Variants in POU2F1 observed in about 807,000 individuals in gnomAD.
The protein encoded by POU2F1 is POU class 2 homeobox 1.
A neutral mutation model predicts 84.9 loss-of-function variants in POU2F1; 16 were observed. The ratio of observed to expected loss-of-function variants is 0.19; its 90% CI spans 0.13 to 0.29. The LOEUF (loss-of-function observed/expected upper bound fraction) is 0.29. Among genes scored for constraint, POU2F1 ranks in the 10% least tolerant of loss-of-function variants. The probability of loss-of-function intolerance (pLI) is 1.00; values close to 1 mark genes in which losing one functional copy is unlikely to be tolerated. For synonymous variants in POU2F1, 368 were observed against 368.3 expected (o/e 1.00, Z 0.01); for missense variants, 738 against 942.6 (o/e 0.78, Z 2.84).
At chr1:167,354,123 A>G (rs571372451) in intron 2 of POU2F1, among the ~76,000 whole-genome samples, 10 of 152,354 alleles carry the variant, frequency 6.6e-5, no homozygotes, top group Admixed American at 4.6e-4. Flanking sequence ...TTCACTGGAT[A>G]TAATATCCCA....
intron 1 of POU2F1, among the ~76,000 whole-genome samples, chr1:167,292,452 A>G (rs1653993865): frequency 6.6e-6 from 1 of 151,770 alleles, no homozygotes; most frequent in African/African-American, 2.4e-5. Context: ...AACCCTGAAC[A>G]GACTGATAAG....
chr1:167,351,519 CAAAAAAAAAAAAAA>C (rs34170498), intron 2 of POU2F1, among the ~76,000 whole-genome samples: 1 of 45,996 alleles, frequency 2.2e-5, no homozygotes, highest in Middle Eastern at 0.015. Context: ...AGCACCATCT[CAAAAAAAAAAAAAA>C]AAAAAAAAAA....
At chr1:167,360,316 G>A (rs1276428587) in intron 2 of POU2F1, among the ~76,000 whole-genome samples, 3 of 152,130 alleles carry the variant, frequency 2.0e-5, no homozygotes, top group Non-Finnish European at 4.4e-5. Flanking sequence ...TTCTTCTGGG[G>A]TTTTTACAGT....
At chr1:167,346,903 A>G (rs953877241) in intron 2 of POU2F1, among the ~76,000 whole-genome samples, 2 of 152,202 alleles carry the variant, frequency 1.3e-5, no homozygotes, top group Non-Finnish European at 2.9e-5. Flanking sequence ...CAGGATTTCC[A>G]TTATCCCAGA....
intron 3 of POU2F1, among the ~76,000 whole-genome samples, chr1:167,366,234 GT>G (rs1221539930): frequency 3.9e-5 from 6 of 152,214 alleles, no homozygotes; most frequent in Non-Finnish European, 7.3e-5. Context: ...AGTGAAAACA[GT>G]TGGGAGCTAG....
intron 1 of POU2F1, among the ~76,000 whole-genome samples, chr1:167,228,187 A>C (rs185546033): frequency 6.6e-6 from 1 of 152,342 alleles, no homozygotes; most frequent in East Asian, 1.9e-4. Flanking sequence ...TGTATAGGTA[A>C]AGAATGAGGA....
At chr1:167,351,529 AAAAAAAAAAAAAAAG>A (rs1179400697) in intron 2 of POU2F1, among the ~76,000 whole-genome samples, 5 of 147,540 alleles carry the variant, frequency 3.4e-5, no homozygotes, top group African/African-American at 1.3e-4. Flanking sequence ...CAAAAAAAAA[AAAAAAAAAAAAAAAG>A]AAAGAAAGAA....
At chr1:167,365,840 A>G (rs911611606) in intron 3 of POU2F1, among the ~76,000 whole-genome samples, 5 of 152,190 alleles carry the variant, frequency 3.3e-5, no homozygotes, top group African/African-American at 1.2e-4. Flanking sequence ...ATAAGTGGGT[A>G]TCTGTGGTGG....
At chr1:167,246,501 A>G (rs1171548261) in intron 1 of POU2F1, among the ~76,000 whole-genome samples, 2 of 152,202 alleles carry the variant, frequency 1.3e-5, no homozygotes, top group Admixed American at 6.5e-5. Context: ...TGAAATTATT[A>G]TTATAAAATT....
At chr1:167,239,479 G>A (rs974803373) in intron 1 of POU2F1, among the ~76,000 whole-genome samples, 5 of 152,134 alleles carry the variant, frequency 3.3e-5, no homozygotes, top group Admixed American at 6.5e-5. Context: ...ATTTTAATTC[G>A]TACCACAGGT....
chr1:167,274,291 TAA>T (rs1027752313), intron 1 of POU2F1, among the ~76,000 whole-genome samples: 6 of 152,216 alleles, frequency 3.9e-5, no homozygotes, highest in African/African-American at 1.4e-4. Context: ...TTGCTTTAGG[TAA>T]AGTTTAAGGG....
chr1:167,247,846 A>C (rs1650449406), intron 1 of POU2F1, among the ~76,000 whole-genome samples: 1 of 152,232 alleles, frequency 6.6e-6, no homozygotes, highest in Non-Finnish European at 1.5e-5. Context: ...CATGCAATCA[A>C]ACTGTGCAGA....
At chr1:167,264,955 C>T (rs1012612186) in intron 1 of POU2F1, among the ~76,000 whole-genome samples, 5 of 152,108 alleles carry the variant, frequency 3.3e-5, no homozygotes, top group African/African-American at 1.2e-4. Context: ...TCACAGATAC[C>T]CATGTAGTTC....
intron 1 of POU2F1, among the ~76,000 whole-genome samples, chr1:167,261,388 C>A (rs1037126628): frequency 2.0e-5 from 3 of 152,138 alleles, no homozygotes; most frequent in Non-Finnish European, 2.9e-5. Flanking sequence ...GCAGAGGATT[C>A]TTGCATAAGA....
At chr1:167,308,414 G>T (rs753136930) in intron 1 of POU2F1, among the ~76,000 whole-genome samples, 21 of 151,926 alleles carry the variant, frequency 1.4e-4, no homozygotes, top group Non-Finnish European at 3.1e-4. Flanking sequence ...GGTGATGTTT[G>T]TCAGTCTTGT....
Position 167,420,364 on chromosome 1 carries a change from G to A in POU2F1, c.*4554G>A, listed in dbSNP as rs61806129. On this transcript the variant is annotated 3_prime_UTR_variant, in exon 16 of 16. Transcript: ENST00000367866. Reference sequence around the variant, plus strand: ...TTTTTAGTAGGGACGGGATTTCTCCGTGTTGGCCAGGCTTTTTGAACTCCT... The same window carrying A: ...TTTTTAGTAGGGACGGGATTTCTCCATGTTGGCCAGGCTTTTTGAACTCCT... 7,697 of 152,016 alleles carry A rather than the reference G, an allele frequency of 0.051. 441 individuals carry two copies. Among genetic ancestry groups the A allele is most frequent in the Admixed American group, 0.18 (2,737 of 15,260 alleles). The allele number at this position is 152,016 out of a possible 1,614,324, so 9.4% of individuals were successfully genotyped here. A position where few individuals can be genotyped will look rare whatever the true frequency, so the allele number is the denominator to read the frequency against.
chr1:167,224,825 CT>C (rs774351969), intron 1 of POU2F1, among the ~76,000 whole-genome samples: 72 of 122,206 alleles, frequency 5.9e-4, no homozygotes, highest in Admixed American at 1.1e-3. Context: ...TCACTGTCTT[CT>C]TTTTTTTTTT....
In POU2F1 at chr1:167,274,912, T is replaced by C. The variant is rs75704759; in HGVS notation, c.61+53954T>C. On this transcript the variant is annotated intron_variant, in intron 1 of 15. Transcript: ENST00000367866. ...AGCTCCTTCTTGTTTTCCACCTTTT[T>C]TGTTGTCTTTTAGAAAGATACTCTT... is the stretch of plus-strand genomic sequence containing the variant. Among the ~76,000 whole-genome samples the C allele has an allele frequency of 8.7e-3, 1,324 of 152,326 alleles. 15 individuals are homozygous for C. The highest frequency in any genetic ancestry group is 0.014 in the Non-Finnish European group (924 of 68,016).
chr1:167,284,499 G>A (rs1374500807), intron 1 of POU2F1, among the ~76,000 whole-genome samples: 2 of 152,122 alleles, frequency 1.3e-5, no homozygotes, highest in East Asian at 3.8e-4. Flanking sequence ...TAATGATCAA[G>A]ACTTAAAATC....
Sources: allele counts gnomAD v4.1 joint callset (sites outside exome capture counted in the v4.1 genomes callset), GRCh38; gene constraint gnomAD v4.1.1; transcripts MANE v1.5; gene names NCBI Gene and HGNC (gene_info 2026-07-23, HGNC 2026-07-21).